PKHD1L1: variants seen among roughly 807,000 people sequenced by gnomAD.
PKHD1L1 encodes PKHD1 like 1.
Under a neutral mutation model 462.9 loss-of-function variants are expected in PKHD1L1, and 434 were observed. The ratio of observed to expected loss-of-function variants is 0.94; its 90% CI spans 0.87 to 1.02. The LOEUF (loss-of-function observed/expected upper bound fraction) is 1.02. PKHD1L1 is among the 50% of genes least tolerant of loss of function. The pLI, the probability that PKHD1L1 is intolerant of heterozygous loss-of-function variation, is 0.00. For synonymous variants in PKHD1L1, 1,781 were observed against 1,750.0 expected (o/e 1.02, Z -0.44); for missense variants, 5,202 against 5,096.1 (o/e 1.02, Z -0.63).
intron 39 of PKHD1L1, 126 bp downstream of exon 39, chr8:109,448,517 GTTT>G: frequency 5.4e-6 from 5 of 925,888 alleles, no homozygotes; most frequent in Non-Finnish European, 7.3e-6. Flanking sequence ...TGTTTGTTTG[GTTT>G]TTTTTTTTTG....
At chr8:109,461,306 G>A (rs1359043089) in intron 47 of PKHD1L1, among the ~76,000 whole-genome samples, 4 of 152,018 alleles carry the variant, frequency 2.6e-5, no homozygotes, top group Non-Finnish European at 5.9e-5. Context: ...GTTCATCTGC[G>A]TCAATTATCA....
At position 109,443,667 on chromosome 8, in the gene PKHD1L1, T is replaced by G. The variant is rs1815943245; in HGVS notation, c.4565-9T>G. 6.3e-7 allele frequency: 1 copy of G among 1,598,872 alleles called. No homozygotes were observed. Among genetic ancestry groups the G allele is most frequent in the African/African-American group, 1.3e-5 (1 of 74,296 alleles). On this transcript the variant is annotated splice_polypyrimidine_tract_variant and intron_variant, in intron 36 of 77. Transcript: ENST00000378402. ...TTCATGACTTAACGGGCAGTTCTTT[T>G]GTCTAAAGGAGGACCTGAGAATTTG... is the stretch of plus-strand genomic sequence containing the variant.
chr8:109,526,190 T>C (rs1820804979), intron 76 of PKHD1L1, among the ~76,000 whole-genome samples: 1 of 152,178 alleles, frequency 6.6e-6, no homozygotes, highest in Non-Finnish European at 1.5e-5. Context: ...TTCTAAAATG[T>C]CTACCTGGAA....
intron 45 of PKHD1L1, 117 bp downstream of exon 45, chr8:109,454,969 T>C (rs1340729859): frequency 7.6e-7 from 1 of 1,307,576 alleles, no homozygotes; most frequent in Non-Finnish European, 1.0e-6. Context: ...GTGTTAGGCT[T>C]CTCATGTCTT....
At chr8:109,462,355 G>A (rs1363900786) in intron 48 of PKHD1L1, among the ~76,000 whole-genome samples, 2 of 151,950 alleles carry the variant, frequency 1.3e-5, no homozygotes, top group Admixed American at 6.6e-5. Context: ...GTGGCTTCAT[G>A]GTATACGTAA....
intron 10 of PKHD1L1, 42 bp from the exon 11 acceptor site, chr8:109,395,985 T>A: frequency 1.5e-6 from 2 of 1,365,238 alleles, no homozygotes; most frequent in Non-Finnish European, 2.0e-6. Context: ...TGGGTTTATG[T>A]GTAATATTTA....
intron 71 of PKHD1L1, among the ~76,000 whole-genome samples, chr8:109,514,868 A>G (rs1229203029): frequency 6.6e-6 from 1 of 152,086 alleles, no homozygotes; most frequent in African/African-American, 2.4e-5. Context: ...TGATATTGAA[A>G]GCCTGTATTG....
Position 109,406,359 on chromosome 8 carries a change from A to T in PKHD1L1, c.1694A>T (p.Glu565Val), listed in dbSNP as rs1158022818. 2 of 1,553,888 alleles carry T rather than the reference A, an allele frequency of 1.3e-6. No individual in the cohort carries two copies. Among genetic ancestry groups the T allele is most frequent in the Middle Eastern group, 3.3e-4 (2 of 6,000 alleles). The change falls in exon 17 of 78, where the codon GAA (glutamate) becomes GTA (valine). Residue 565 changes from glutamate to valine, a missense_variant. Physicochemically the swap from Glu to Val is moderately radical, Grantham distance 121 (BLOSUM62 -2). Around this residue, in one of 3 missense-constraint regions of PKHD1L1, gnomAD observed 4,497 missense variants for 4,336.8 expected, o/e 1.04. Transcript: ENST00000378402. ...GTCTTCCTACCTGCTGATGCTTCTG[A>T]ATTCATACTGCAATCAGCCTTGAAT... The part of the protein sequence containing the change: ...KTVFLPADAS[E>V]FILQSALNDL...
At chr8:109,429,251 C>A in intron 25 of PKHD1L1, 89 bp from the exon 26 acceptor site, 1 of 1,136,294 alleles carries the variant, frequency 8.8e-7, no homozygotes, top group Non-Finnish European at 1.2e-6. Context: ...CTTTTATTCA[C>A]CTTTGCCTAT....
intron 47 of PKHD1L1, among the ~76,000 whole-genome samples, chr8:109,461,348 A>G (rs1817114733): frequency 6.6e-6 from 1 of 152,228 alleles, no homozygotes; most frequent in African/African-American, 2.4e-5. Flanking sequence ...TCATCCATTT[A>G]AATTAAGAAT....
intron 24 of PKHD1L1, among the ~76,000 whole-genome samples, chr8:109,426,740 C>T (rs1814769161): frequency 6.6e-6 from 1 of 152,138 alleles, no homozygotes. Context: ...ACAACCTCCG[C>T]CTTCCGGGTT....
At chr8:109,412,566 T>C (rs1444306778) in intron 20 of PKHD1L1, among the ~76,000 whole-genome samples, 152 bp downstream of exon 20, 1 of 152,132 alleles carries the variant, frequency 6.6e-6, no homozygotes, top group Non-Finnish European at 1.5e-5. Context: ...GTGCTTGTGG[T>C]TTCCTCTTCT....
intron 1 of PKHD1L1, 144 bp downstream of exon 1, chr8:109,362,797 G>GATC: frequency 1.2e-6 from 1 of 834,892 alleles, no homozygotes; most frequent in Non-Finnish European, 1.9e-6. Context: ...TGGGGACCAG[G>GATC]GGAGCTGGAT....
In PKHD1L1 at chr8:109,515,153, T is replaced by A. The variant is rs1240231990; in HGVS notation, c.11554-17T>A. On this transcript the variant is annotated splice_polypyrimidine_tract_variant and intron_variant, in intron 71 of 77. Coordinates refer to ENST00000378402, the MANE Select transcript of PKHD1L1 (RefSeq NM_177531.6). ...TTCTATTTTGTTGCTTTCTTAAAAC[T>A]TTTTTTTCTTTAATAGGCTGTTCTA... 7 of 1,507,484 alleles carry A rather than the reference T, an allele frequency of 4.6e-6. No homozygotes were observed. Among genetic ancestry groups the A allele is most frequent in the South Asian group, 1.3e-5 (1 of 77,476 alleles). The allele number at this position is 1,507,484 out of a possible 1,614,324, so 93.4% of individuals were successfully genotyped here.
intron 1 of PKHD1L1, 44 bp downstream of exon 1, chr8:109,362,697 C>T (rs373972265): frequency 1.3e-4 from 195 of 1,547,404 alleles, no homozygotes; most frequent in Middle Eastern, 1.7e-4. Flanking sequence ...GAGAGGCCCG[C>T]GTAGACACTA....
At chr8:109,490,626 C>T (rs780753647) in intron 60 of PKHD1L1, among the ~76,000 whole-genome samples, 6 of 151,452 alleles carry the variant, frequency 4.0e-5, no homozygotes, top group Non-Finnish European at 5.9e-5. Flanking sequence ...AAAAAAAAAT[C>T]CCTGTCATCA....
chr8:109,454,948 A>G, intron 45 of PKHD1L1, 96 bp downstream of exon 45: 1 of 1,409,996 alleles, frequency 7.1e-7, no homozygotes, highest in Non-Finnish European at 9.4e-7. Context: ...ATCCTGTGAT[A>G]AAGTGAAAGT....
At chr8:109,513,725 C>T (rs1252023343) in intron 71 of PKHD1L1, among the ~76,000 whole-genome samples, 1 of 152,040 alleles carries the variant, frequency 6.6e-6, no homozygotes, top group Non-Finnish European at 1.5e-5. Flanking sequence ...AACCTTGGAA[C>T]CACTCTTGAC....
In PKHD1L1 at chr8:109,522,180, C is replaced by A; in HGVS notation, c.12032-6C>A. 1 of 1,591,860 alleles carries A rather than the reference C, an allele frequency of 6.3e-7. No homozygotes were observed. Among genetic ancestry groups the A allele is most frequent in the East Asian group, 2.2e-5 (1 of 44,596 alleles). On this transcript the variant is annotated splice_polypyrimidine_tract_variant and splice_region_variant and intron_variant, in intron 73 of 77. Transcript: ENST00000378402. Reference sequence around the variant, plus strand: ...AATCCAAATGTCATAATACTTTTCCCCATAGGTCAGATGCAGTTATCTGAA... The same window carrying A: ...AATCCAAATGTCATAATACTTTTCCACATAGGTCAGATGCAGTTATCTGAA...
Sources: gnomAD v4.1 joint callset for allele counts (sites outside exome capture counted in the v4.1 genomes callset) on GRCh38, gnomAD v4.1.1 for gene constraint, gnomAD v4.1.1 regional missense constraint, MANE v1.5 for transcripts, NCBI Gene and HGNC (gene_info 2026-07-23, HGNC 2026-07-21) for gene names.